ARHGAP24: variants seen among roughly 807,000 people sequenced by gnomAD.
ARHGAP24 encodes the protein Rho GTPase activating protein 24.
In ARHGAP24, 50 loss-of-function variants were observed where a neutral mutation model predicts 76.4. The observed-to-expected ratio is 0.65, with a 90% CI of 0.52 to 0.83. The LOEUF is 0.83. Ranked by LOEUF, ARHGAP24 falls within the 40% of genes least tolerant of loss-of-function variation. The probability of loss-of-function intolerance (pLI) is 0.00; values close to 1 mark genes in which losing one functional copy is unlikely to be tolerated. For missense variants in ARHGAP24, 930 were observed against 914.2 expected, an observed-to-expected ratio of 1.02 and a Z score of -0.22; for synonymous variants, 345 against 323.3, an observed-to-expected ratio of 1.07 and a Z score of -0.72.
chr4:85,780,846 A>C (rs980200973), intron 3 of ARHGAP24, among the ~76,000 whole-genome samples: 1 of 152,256 alleles, frequency 6.6e-6, no homozygotes, highest in African/African-American at 2.4e-5. Context: ...CCATGGAAGT[A>C]GTTCTGGAAT....
At chr4:85,905,010 A>G (rs896163397) in intron 3 of ARHGAP24, among the ~76,000 whole-genome samples, 2 of 152,200 alleles carry the variant, frequency 1.3e-5, no homozygotes, top group African/African-American at 4.8e-5. Flanking sequence ...TGCTTAGGGG[A>G]CAGAAGACTT....
At chr4:86,000,442 C>CGGGGGGG in intron 9 of ARHGAP24, 37 bp from the exon 10 acceptor site, 2 of 807,894 alleles carry the variant, frequency 2.5e-6, no homozygotes, top group Admixed American at 2.4e-5. Context: ...CTTACTCTTG[C>CGGGGGGG]GTCCCCACCC....
intron 3 of ARHGAP24, among the ~76,000 whole-genome samples, chr4:85,749,911 AG>A (rs1449577584): frequency 6.6e-6 from 1 of 152,044 alleles, no homozygotes; most frequent in African/African-American, 2.4e-5. Flanking sequence ...TTAGTTTTAA[AG>A]AACAGTGAGT....
chr4:85,648,039 G>T (rs1418070397), intron 2 of ARHGAP24, among the ~76,000 whole-genome samples: 1 of 152,056 alleles, frequency 6.6e-6, no homozygotes, highest in Non-Finnish European at 1.5e-5. Context: ...GTGCATAAAT[G>T]CGTCTAAGTA....
At chr4:85,733,343 G>A (rs571063991) in intron 3 of ARHGAP24, among the ~76,000 whole-genome samples, 3 of 151,728 alleles carry the variant, frequency 2.0e-5, no homozygotes, top group African/African-American at 7.3e-5. Context: ...GATTACAGGC[G>A]TGAGCCACCA....
At chr4:85,934,767 G>C (rs373511549) in intron 4 of ARHGAP24, among the ~76,000 whole-genome samples, 2 of 152,034 alleles carry the variant, frequency 1.3e-5, no homozygotes, top group African/African-American at 4.8e-5. Flanking sequence ...CTCCCACCTC[G>C]GCCTCCCAAA....
intron 1 of ARHGAP24, among the ~76,000 whole-genome samples, chr4:85,553,689 A>G (rs1440771123): frequency 6.6e-6 from 1 of 152,230 alleles, no homozygotes; most frequent in East Asian, 1.9e-4. Flanking sequence ...CCAGAAGCCC[A>G]GCTGGCTTCA....
intron 1 of ARHGAP24, among the ~76,000 whole-genome samples, chr4:85,565,818 A>G (rs1311624551): frequency 6.6e-6 from 1 of 152,180 alleles, no homozygotes; most frequent in Non-Finnish European, 1.5e-5. Flanking sequence ...ATGCTTATAT[A>G]TTCTTTGTTG....
intron 1 of ARHGAP24, among the ~76,000 whole-genome samples, chr4:85,495,490 A>G (rs1723539269): frequency 6.7e-6 from 1 of 149,010 alleles, no homozygotes; most frequent in African/African-American, 2.4e-5. Context: ...AGCTGGGACT[A>G]CAGGCGCCCG....
chr4:85,710,597 A>T (rs1724490878), intron 2 of ARHGAP24, among the ~76,000 whole-genome samples: 1 of 152,186 alleles, frequency 6.6e-6, no homozygotes, highest in Admixed American at 6.5e-5. Context: ...AGCATCTATA[A>T]AGAACTTCAA....
intron 3 of ARHGAP24, among the ~76,000 whole-genome samples, chr4:85,771,458 A>G (rs964523815): frequency 1.3e-5 from 2 of 152,212 alleles, no homozygotes; most frequent in East Asian, 1.9e-4. Flanking sequence ...GGCAGATTGC[A>G]TTATGCCCAC....
At chr4:85,915,816 A>G (rs932768206) in intron 3 of ARHGAP24, among the ~76,000 whole-genome samples, 1 of 152,140 alleles carries the variant, frequency 6.6e-6, no homozygotes, top group African/African-American at 2.4e-5. Flanking sequence ...TATCCAGTCT[A>G]TCATTGATGG....
At chr4:85,949,938 T>C (rs1040303911) in intron 5 of ARHGAP24, among the ~76,000 whole-genome samples, 11 of 152,154 alleles carry the variant, frequency 7.2e-5, no homozygotes, top group African/African-American at 2.7e-4. Flanking sequence ...TTACAAGTCA[T>C]GGGCAGATAA....
At chr4:85,724,029 T>C (rs1725061970) in intron 3 of ARHGAP24, among the ~76,000 whole-genome samples, 1 of 152,236 alleles carries the variant, frequency 6.6e-6, no homozygotes, top group South Asian at 2.1e-4. Flanking sequence ...TAATTTGGGA[T>C]GTTACAACAG....
intron 3 of ARHGAP24, among the ~76,000 whole-genome samples, chr4:85,728,866 C>T (rs1482094): frequency 0.43 from 65,841 of 152,008 alleles, 16,060 homozygotes; most frequent in East Asian, 0.91. Context: ...GAATAAATAA[C>T]GTCATTGGCT....
At chr4:85,905,447 C>T (rs1734722641) in intron 3 of ARHGAP24, among the ~76,000 whole-genome samples, 1 of 152,148 alleles carries the variant, frequency 6.6e-6, no homozygotes, top group Admixed American at 6.5e-5. Flanking sequence ...AATATTCACA[C>T]CATATACTCA....
intron 1 of ARHGAP24, among the ~76,000 whole-genome samples, chr4:85,485,054 T>C (rs1458517273): frequency 6.6e-6 from 1 of 151,874 alleles, no homozygotes; most frequent in Non-Finnish European, 1.5e-5. Flanking sequence ...TAAAAAAATA[T>C]TGACCTGGGG....
intron 5 of ARHGAP24, among the ~76,000 whole-genome samples, chr4:85,945,170 C>A (rs1308139332): frequency 6.6e-6 from 1 of 151,836 alleles, no homozygotes; most frequent in Non-Finnish European, 1.5e-5. Flanking sequence ...GAAACAGAAT[C>A]TTGCTCTGTT....
intron 1 of ARHGAP24, among the ~76,000 whole-genome samples, chr4:85,532,785 G>A (rs1725322155): frequency 6.6e-6 from 1 of 152,150 alleles, no homozygotes; most frequent in Non-Finnish European, 1.5e-5. Flanking sequence ...TTCTAATCCT[G>A]TCACTGCTAG....
Sources: gnomAD v4.1 joint callset for allele counts (sites outside exome capture counted in the v4.1 genomes callset) on GRCh38, gnomAD v4.1.1 for gene constraint, MANE v1.5 for transcripts, NCBI Gene and HGNC (gene_info 2026-07-23, HGNC 2026-07-21) for gene names.